EFHC2: variants seen among roughly 807,000 people sequenced by gnomAD.
EFHC2 encodes the protein EF-hand domain-containing family member C2.
Under a neutral mutation model 52.7 loss-of-function variants are expected in EFHC2, and 18 were observed. That is an observed-to-expected ratio of 0.34 (90% CI 0.24 to 0.51). The LOEUF is 0.51. EFHC2 is among the 20% of genes least tolerant of loss of function. EFHC2 has a pLI of 0.97. For synonymous variants in EFHC2, 203 were observed against 204.1 expected, an observed-to-expected ratio of 0.99 and a Z score of 0.04; for missense variants, 513 against 562.5, an observed-to-expected ratio of 0.91 and a Z score of 0.89.
chrX:44,325,151 G>A lies in EFHC2; in HGVS notation c.43-12395C>T, dbSNP rs773289300. Among the ~76,000 whole-genome samples the A allele has an allele frequency of 1.3e-4, 14 of 111,345 alleles. No individual in the cohort carries two copies. In the South Asian group the frequency reaches 2.3e-3, roughly 18 times the overall value. ...AGAATTCTATACCTTAGAAACTAACGCATTGAGAATTTGTTTGATATGATG... is the reference window on the plus strand; with the variant it reads ...AGAATTCTATACCTTAGAAACTAACACATTGAGAATTTGTTTGATATGATG... On this transcript the variant is annotated intron_variant, in intron 1 of 14. Transcript: ENST00000420999.
At chrX:44,179,540 A>G in intron 11 of EFHC2, among the ~76,000 whole-genome samples, 1 of 112,273 alleles carries the variant, frequency 8.9e-6, no homozygotes, top group South Asian at 3.7e-4. Flanking sequence ...AAGAATTTCC[A>G]TAGAGTCTAG....
In EFHC2 at chrX:44,262,353, A is replaced by T. The variant is rs768028899; in HGVS notation, c.383-1055T>A. ...CTACAAAAGAAAAAAAAAATTAATT[A>T]AAAAAAAATTAGCTGGGTATGGTGG... On this transcript the variant is annotated intron_variant, in intron 3 of 14. Coordinates refer to ENST00000420999, the MANE Select transcript of EFHC2 (RefSeq NM_025184.4). 3.8e-5 allele frequency among the ~76,000 whole-genome samples: 4 copies of T among 106,328 alleles called. No individual in the cohort carries two copies. The East Asian group carries it at 1.2e-3, about 31-fold the overall frequency. 92.3% of individuals were successfully genotyped at this position (106,328 alleles called of 115,157 possible). A position where few individuals can be genotyped will look rare whatever the true frequency, so the allele number is the denominator to read the frequency against.
At chrX:44,303,510 T>A (rs916035066) in intron 2 of EFHC2, among the ~76,000 whole-genome samples, 1 of 110,576 alleles carries the variant, frequency 9.0e-6, no homozygotes, top group Non-Finnish European at 1.9e-5. Context: ...CCACAATTAC[T>A]TAACACAAGC....
At chrX:44,273,768 G>A (rs181784479) in intron 2 of EFHC2, among the ~76,000 whole-genome samples, 4 of 111,686 alleles carry the variant, frequency 3.6e-5, no homozygotes, top group East Asian at 5.7e-4. Flanking sequence ...CTTGACCTGC[G>A]GCTCAAGCTC....
chrX:44,277,114 C>T (rs1341006589), intron 2 of EFHC2, among the ~76,000 whole-genome samples: 1 of 110,164 alleles, frequency 9.1e-6, no homozygotes, highest in Non-Finnish European at 1.9e-5. Context: ...AAAAAATTAG[C>T]CAGGTGTGGG....
chrX:44,179,375 T>G (rs1054706336), intron 11 of EFHC2, among the ~76,000 whole-genome samples: 3 of 112,276 alleles, frequency 2.7e-5, no homozygotes, highest in African/African-American at 3.2e-5. Context: ...ATTTATTTAC[T>G]GGAAATAATT....
intron 2 of EFHC2, chrX:44,309,430 G>A (rs1212851865): frequency 1.6e-5 from 17 of 1,066,600 alleles, no homozygotes; most frequent in East Asian, 9.1e-5. Context: ...AATATTCTCC[G>A]TAAAGTCAAA....
chrX:44,169,051 G>C (rs780534946), intron 13 of EFHC2, among the ~76,000 whole-genome samples: 1 of 111,138 alleles, frequency 9.0e-6, no homozygotes, highest in East Asian at 2.8e-4. Context: ...TGAGATATGA[G>C]GATGTATTAC....
chrX:44,326,589 A>G (rs1475178167), intron 1 of EFHC2, among the ~76,000 whole-genome samples: 1 of 111,082 alleles, frequency 9.0e-6, no homozygotes, highest in African/African-American at 3.3e-5. Flanking sequence ...AATAGCCAAT[A>G]AACATACTAA....
chrX:44,296,006 TTC>T lies in EFHC2; in HGVS notation c.231+16560_231+16561del, dbSNP rs1204223578. 1.8e-5 allele frequency among the ~76,000 whole-genome samples: 2 copies of T among 111,579 alleles called. 1 individual carries two copies. The highest frequency in any genetic ancestry group is 3.8e-5 in the Non-Finnish European group (2 of 53,151). On this transcript the variant is annotated intron_variant, in intron 2 of 14. Coordinates refer to ENST00000420999, the MANE Select transcript of EFHC2 (RefSeq NM_025184.4). ...CACACTTCTCCCCCAAAAAAGCCTT[TTC>T]TCTCTTTTTCGATTCTCACGAGTTT...
chrX:44,294,561 CACCA>C (rs760556697), intron 2 of EFHC2, among the ~76,000 whole-genome samples: 9 of 110,783 alleles, frequency 8.1e-5, no homozygotes, highest in Non-Finnish European at 1.7e-4. Context: ...ACAAGTGCAT[CACCA>C]ACCAAGGTCA....
intron 2 of EFHC2, among the ~76,000 whole-genome samples, chrX:44,289,638 T>C (rs2037777362): frequency 9.2e-6 from 1 of 108,779 alleles, no homozygotes; most frequent in Non-Finnish European, 1.9e-5. Flanking sequence ...TGGTACAGAA[T>C]AAGTATTTTA....
intron 11 of EFHC2, among the ~76,000 whole-genome samples, chrX:44,195,184 G>A (rs766562015): frequency 1.8e-5 from 2 of 112,116 alleles, no homozygotes; most frequent in Admixed American, 9.5e-5. Context: ...AGAGAATGAC[G>A]TGGAAGTCAA....
At chrX:44,202,694 C>T (rs887748170) in intron 11 of EFHC2, among the ~76,000 whole-genome samples, 2 of 110,625 alleles carry the variant, frequency 1.8e-5, no homozygotes, top group South Asian at 3.9e-4. Flanking sequence ...GTGTCACTGC[C>T]GTGCCCAGGG....
chrX:44,194,707 T>TG (rs888494064), intron 11 of EFHC2, among the ~76,000 whole-genome samples: 16 of 111,383 alleles, frequency 1.4e-4, no homozygotes, highest in African/African-American at 5.2e-4. Flanking sequence ...TCAAACAAAA[T>TG]GGGGGAGCTG....
rs185212172 is a variant in EFHC2 at position 44,233,715 on chromosome X, T to A, written c.1424-1038A>T. 2.7e-5 allele frequency among the ~76,000 whole-genome samples: 3 copies of A among 111,706 alleles called. No individual in the cohort carries two copies. The East Asian group carries it at 8.5e-4, about 32-fold the overall frequency. ...TCTTATTGGTAAAATGGGAATCAGA[T>A]GTGTGGAGGCCCTGAAAATGTACTT... is the stretch of plus-strand genomic sequence containing the variant. On this transcript the variant is annotated intron_variant, in intron 9 of 14. Coordinates refer to ENST00000420999, the MANE Select transcript of EFHC2 (RefSeq NM_025184.4).
rs3037406 is a variant in EFHC2, at chrX:44,152,725, T to TACACACACAC, written c.2149-3839_2149-3830dup. On this transcript the variant is annotated intron_variant, in intron 14 of 14. Transcript: ENST00000420999. ...CTTACACCAAAAAGTAGTAAACCATTACACACACACACACACACACACACA... is the reference window on the plus strand; with the variant it reads ...CTTACACCAAAAAGTAGTAAACCATTACACACACACACACACACACACACACACACACACA... Among the ~76,000 whole-genome samples, 483 of 99,424 alleles carry TACACACACAC rather than the reference T, an allele frequency of 4.9e-3. 4 individuals carry two copies. Among genetic ancestry groups the TACACACACAC allele is most frequent in the African/African-American group, 0.017 (462 of 27,105 alleles). The allele number at this position is 99,424 out of a possible 115,157, so 86.3% of individuals were successfully genotyped here.
Position 44,164,007 on chromosome X carries a change from T to C in EFHC2, c.2063A>G (p.Gln688Arg), listed in dbSNP as rs746544390. The change falls in exon 14 of 15, where the codon CAA (glutamine) becomes CGA (arginine). Residue 688 changes from glutamine (Q) to arginine (R), a missense_variant. Transcript: ENST00000420999. ...AGAGAAAAATGACTTATAATCTATTTGTTTTTCACTGTCTTCAAACCTGAA... is the reference window on the plus strand; with the variant it reads ...AGAGAAAAATGACTTATAATCTATTCGTTTTTCACTGTCTTCAAACCTGAA... Reference protein sequence around the residue: ...LLSRFEDSEKQIDYKSFFSAL... With the variant: ...LLSRFEDSEKRIDYKSFFSAL... The C allele has an allele frequency of 3.9e-5, 44 of 1,133,357 alleles. No individual in the cohort carries two copies. Among genetic ancestry groups the C allele is most frequent in the Non-Finnish European group, 1.9e-5 (16 of 853,127 alleles). The allele number at this position is 1,133,357 out of a possible 1,213,427, so 93.4% of individuals were successfully genotyped here. A position where few individuals can be genotyped will look rare whatever the true frequency, so the allele number is the denominator to read the frequency against.
chrX:44,193,701 C>T (rs1353324348), intron 11 of EFHC2, among the ~76,000 whole-genome samples: 2 of 111,253 alleles, frequency 1.8e-5, no homozygotes, highest in Non-Finnish European at 3.8e-5. Flanking sequence ...TGTATGTGTC[C>T]GTGTGTGTAG....
Sources: allele counts gnomAD v4.1 joint callset (sites outside exome capture counted in the v4.1 genomes callset), GRCh38; gene constraint gnomAD v4.1.1; transcripts MANE v1.5; gene names NCBI Gene and HGNC (gene_info 2026-07-23, HGNC 2026-07-21).